Variants in ZBTB7C observed in about 807,000 individuals in gnomAD.
ZBTB7C encodes zinc finger and BTB domain containing 7C.
A neutral mutation model predicts 25.7 loss-of-function variants in ZBTB7C; 8 were observed. That is an observed-to-expected ratio of 0.31 (90% CI 0.18 to 0.56). ZBTB7C has a LOEUF of 0.56. Among genes scored for constraint, ZBTB7C ranks in the 20% least tolerant of loss-of-function variants. ZBTB7C has a pLI of 0.91. For synonymous variants in ZBTB7C, 394 were observed against 369.0 expected (o/e 1.07, Z -0.78); for missense variants, 824 against 855.2 (o/e 0.96, Z 0.46).
chr18:48,041,360 G>C, intron 3 of ZBTB7C: 2 of 985,440 alleles, frequency 2.0e-6, no homozygotes, highest in Non-Finnish European at 2.4e-6. Context: ...TGGGCAGCTG[G>C]TGTCAGCTAC....
chr18:48,176,498 A>G (rs1336843337), intron 3 of ZBTB7C, among the ~76,000 whole-genome samples: 1 of 152,196 alleles, frequency 6.6e-6, no homozygotes, highest in Non-Finnish European at 1.5e-5. Context: ...GTGTTGTATA[A>G]ATGTTAAATG....
In ZBTB7C at chr18:48,141,736, T is replaced by A. The variant is rs943933892; in HGVS notation, c.-17+44198A>T. 2.6e-5 allele frequency among the ~76,000 whole-genome samples: 4 copies of A among 152,158 alleles called. 1 individual carries two copies. In the East Asian group the frequency reaches 7.7e-4, roughly 29 times the overall value. On this transcript the variant is annotated intron_variant, in intron 3 of 4. Coordinates refer to ENST00000590800, the MANE Select transcript of ZBTB7C (RefSeq NM_001318841.2). ...TTGTACTTCTTGGATGCTTAACAAA[T>A]GTTTAATTAAATTTTGAGGAAAACT...
At chr18:48,347,012 T>C (rs1378698457) in intron 1 of ZBTB7C, among the ~76,000 whole-genome samples, 1 of 151,920 alleles carries the variant, frequency 6.6e-6, no homozygotes, top group Admixed American at 6.6e-5. Flanking sequence ...CTCGAGCTCC[T>C]GACCTCATGA....
rs141544299 is a variant in ZBTB7C at position 48,215,984 on chromosome 18, A to G, written c.-78-29989T>C. The stretch of plus-strand genomic sequence containing the variant: ...AAGAGTTTGTCTTGTCAGTCTTAAC[A>G]TCTCTGTTTTATTGTCAATGCTGGT... On this transcript the variant is annotated intron_variant, in intron 2 of 4. Coordinates refer to ENST00000590800, the MANE Select transcript of ZBTB7C (RefSeq NM_001318841.2). 2.1e-3 allele frequency among the ~76,000 whole-genome samples: 322 copies of G among 152,318 alleles called. 2 individuals carry two copies. The highest frequency in any genetic ancestry group is 7.9e-3 in the South Asian group (38 of 4,832).
intron 3 of ZBTB7C, among the ~76,000 whole-genome samples, chr18:48,138,208 A>G (rs569997480): frequency 1.3e-5 from 2 of 152,378 alleles, no homozygotes; most frequent in Admixed American, 6.5e-5. Flanking sequence ...TCCTGAAACC[A>G]GAAGTAAATC....
At chr18:48,107,743 A>G (rs1429183413) in intron 3 of ZBTB7C, among the ~76,000 whole-genome samples, 1 of 152,090 alleles carries the variant, frequency 6.6e-6, no homozygotes, top group Non-Finnish European at 1.5e-5. Flanking sequence ...TGTGGGGTCA[A>G]ATAACAATCT....
At chr18:48,349,552 G>A (rs868836614) in intron 1 of ZBTB7C, among the ~76,000 whole-genome samples, 1 of 152,226 alleles carries the variant, frequency 6.6e-6, no homozygotes, top group Non-Finnish European at 1.5e-5. Flanking sequence ...CAAAGGCAGA[G>A]ACCCTGAGTC....
chr18:48,196,584 C>T lies in ZBTB7C; in HGVS notation c.-78-10589G>A, dbSNP rs575573786. 7.2e-4 allele frequency among the ~76,000 whole-genome samples: 109 copies of T among 152,258 alleles called. 2 individuals carry two copies. The highest frequency in any genetic ancestry group is 2.4e-3 in the African/African-American group (99 of 41,554). On this transcript the variant is annotated intron_variant, in intron 2 of 4. Transcript: ENST00000590800. ...AATTGTGTCACCGCTGTGCACATGT[C>T]CCCATAAGAAGATGTGGCCACGGAC...
At chr18:48,366,299 G>A (rs989161666) in intron 1 of ZBTB7C, among the ~76,000 whole-genome samples, 12 of 152,192 alleles carry the variant, frequency 7.9e-5, no homozygotes, top group Admixed American at 2.6e-4. Context: ...TGGATGACAT[G>A]TATGAAAGAC....
chr18:48,108,437 C>G (rs1427501660), intron 3 of ZBTB7C, among the ~76,000 whole-genome samples: 1 of 152,102 alleles, frequency 6.6e-6, no homozygotes, highest in Non-Finnish European at 1.5e-5. Flanking sequence ...CTTCCCTGCC[C>G]CTACCTTGTT....
chr18:48,370,926 T>G (rs2047373388), intron 1 of ZBTB7C, among the ~76,000 whole-genome samples: 2 of 152,112 alleles, frequency 1.3e-5, no homozygotes, highest in Non-Finnish European at 2.9e-5. Flanking sequence ...AAACAATCAC[T>G]GAATTTGTAA....
chr18:48,281,391 T>C (rs576236067), intron 2 of ZBTB7C, among the ~76,000 whole-genome samples: 3 of 152,246 alleles, frequency 2.0e-5, no homozygotes, highest in Admixed American at 6.5e-5. Flanking sequence ...ATTCAGGACA[T>C]AGGCATGGGC....
intron 3 of ZBTB7C, among the ~76,000 whole-genome samples, chr18:48,077,695 G>A (rs1687083317): frequency 6.6e-6 from 1 of 152,208 alleles, no homozygotes; most frequent in African/African-American, 2.4e-5. Flanking sequence ...TGTAAGCACT[G>A]AATGTAGTGG....
intron 3 of ZBTB7C, among the ~76,000 whole-genome samples, chr18:48,112,260 CTTTTTT>C (rs1048802422): frequency 8.3e-6 from 1 of 120,048 alleles, no homozygotes; most frequent in African/African-American, 3.1e-5. Context: ...TAATTTTTTT[CTTTTTT>C]TTTTTTTTTT....
chr18:48,125,117 G>A (rs971888885), intron 3 of ZBTB7C, among the ~76,000 whole-genome samples: 10 of 152,310 alleles, frequency 6.6e-5, no homozygotes, highest in East Asian at 1.9e-4. Context: ...TAGATATATC[G>A]CATAATTTAT....
At chr18:48,361,120 G>A (rs2047095706) in intron 1 of ZBTB7C, among the ~76,000 whole-genome samples, 1 of 152,080 alleles carries the variant, frequency 6.6e-6, no homozygotes, top group African/African-American at 2.4e-5. Flanking sequence ...GCCTGGGCAG[G>A]AGACCCAGGA....
intron 2 of ZBTB7C, among the ~76,000 whole-genome samples, chr18:48,254,166 A>C (rs2144464385): frequency 6.6e-6 from 1 of 152,370 alleles, no homozygotes; most frequent in South Asian, 2.1e-4. Context: ...ACCATGTTCT[A>C]ATAAAGAGCA....
At chr18:48,183,032 A>G (rs1167755488) in intron 3 of ZBTB7C, among the ~76,000 whole-genome samples, 1 of 152,212 alleles carries the variant, frequency 6.6e-6, no homozygotes, top group East Asian at 1.9e-4. Context: ...AATTAGAAGT[A>G]AAAATAATTT....
chr18:48,261,634 C>T (rs2044174805), intron 2 of ZBTB7C, among the ~76,000 whole-genome samples: 1 of 152,194 alleles, frequency 6.6e-6, no homozygotes, highest in South Asian at 2.1e-4. Flanking sequence ...GAATCCTCGC[C>T]TCTGAGTCAC....
Sources: allele counts gnomAD v4.1 joint callset (sites outside exome capture counted in the v4.1 genomes callset), GRCh38; gene constraint gnomAD v4.1.1; transcripts MANE v1.5; gene names NCBI Gene and HGNC (gene_info 2026-07-23, HGNC 2026-07-21).